Variants in RAD18 observed in about 807,000 individuals in gnomAD.
RAD18 encodes E3 ubiquitin-protein ligase RAD18.
A neutral mutation model predicts 60.4 loss-of-function variants in RAD18; 47 were observed. The observed-to-expected ratio is 0.78, with a 90% CI of 0.62 to 0.99. The LOEUF (loss-of-function observed/expected upper bound fraction) is 0.99, where lower values mean the gene tolerates loss of function less well. Ranked by LOEUF, RAD18 falls within the 50% of genes least tolerant of loss-of-function variation. The pLI is 0.00. For missense variants in RAD18, 640 were observed against 593.3 expected, an observed-to-expected ratio of 1.08 and a Z score of -0.82; for synonymous variants, 225 against 195.5, an observed-to-expected ratio of 1.15 and a Z score of -1.26.
chr3:8,958,712 T>C (rs1413842077), intron 2 of RAD18, among the ~76,000 whole-genome samples: 1 of 152,120 alleles, frequency 6.6e-6, no homozygotes, highest in Admixed American at 6.5e-5. Context: ...CATAAAAATA[T>C]CAAAGAGGAA....
intron 7 of RAD18, among the ~76,000 whole-genome samples, chr3:8,932,088 A>T (rs1328991580): frequency 6.6e-6 from 1 of 152,222 alleles, no homozygotes; most frequent in Non-Finnish European, 1.5e-5. Context: ...TGATCTTAGG[A>T]TAAGCAAATA....
intron 12 of RAD18, among the ~76,000 whole-genome samples, chr3:8,887,198 G>T (rs1939582855): frequency 6.6e-6 from 1 of 152,190 alleles, no homozygotes; most frequent in African/African-American, 2.4e-5. Flanking sequence ...TCTAGGGGTG[G>T]AGTTCACTAA....
chr3:8,912,823 G>GT (rs1940125975), intron 8 of RAD18, among the ~76,000 whole-genome samples: 1 of 152,076 alleles, frequency 6.6e-6, no homozygotes, highest in Non-Finnish European at 1.5e-5. Flanking sequence ...ACAAAACACA[G>GT]TAAGTTAAGC....
chr3:8,929,882 A>C (rs910691982), intron 7 of RAD18, among the ~76,000 whole-genome samples: 4 of 152,160 alleles, frequency 2.6e-5, no homozygotes, highest in Admixed American at 1.3e-4. Context: ...ACCTCAGGTG[A>C]TCCACCTGCC....
At chr3:8,962,497 AC>A (rs1941107308) in intron 1 of RAD18, among the ~76,000 whole-genome samples, 1 of 152,242 alleles carries the variant, frequency 6.6e-6, no homozygotes. Flanking sequence ...AGTCAGTGGG[AC>A]AGGTATTATA....
chr3:8,933,451 G>A (rs1360871197), intron 7 of RAD18, among the ~76,000 whole-genome samples: 1 of 152,010 alleles, frequency 6.6e-6, no homozygotes, highest in East Asian at 1.9e-4. Context: ...TTCAAAGGAT[G>A]TATTACATGT....
intron 7 of RAD18, among the ~76,000 whole-genome samples, chr3:8,920,208 G>A (rs562069921): frequency 1.3e-5 from 2 of 151,446 alleles, no homozygotes; most frequent in Non-Finnish European, 2.9e-5. Context: ...GAACCTGGGA[G>A]GCGGAGCTTG....
chr3:8,922,104 G>A (rs2125059255), intron 7 of RAD18, among the ~76,000 whole-genome samples: 1 of 152,268 alleles, frequency 6.6e-6, no homozygotes, highest in South Asian at 2.1e-4. Flanking sequence ...GACAGTGGGA[G>A]CGGTGCACCG....
chr3:8,947,333 A>T, intron 3 of RAD18, 43 bp from the exon 4 acceptor site: 1 of 1,449,160 alleles, frequency 6.9e-7, no homozygotes, highest in Non-Finnish European at 9.7e-7. Context: ...CAAAAACAAT[A>T]ATCAACTTGT....
intron 7 of RAD18, among the ~76,000 whole-genome samples, chr3:8,928,142 A>C (rs1940479769): frequency 6.6e-6 from 1 of 152,106 alleles, no homozygotes; most frequent in South Asian, 2.1e-4. Context: ...GAGATAAGTT[A>C]AAAATGCATA....
intron 7 of RAD18, among the ~76,000 whole-genome samples, chr3:8,915,821 G>A (rs578065522): frequency 6.6e-6 from 1 of 152,168 alleles, no homozygotes; most frequent in Non-Finnish European, 1.5e-5. Flanking sequence ...CTGACCTCGT[G>A]ATCCACCCGC....
chr3:8,926,025 C>T (rs952521340), intron 7 of RAD18, among the ~76,000 whole-genome samples: 29 of 151,398 alleles, frequency 1.9e-4, no homozygotes, highest in African/African-American at 6.5e-4. Flanking sequence ...CCTCTCTCAC[C>T]ACTCCTATTC....
At chr3:8,899,116 C>T (rs1343998682) in intron 10 of RAD18, 69 bp from the exon 11 acceptor site, 10 of 1,225,782 alleles carry the variant, frequency 8.2e-6, no homozygotes, top group Non-Finnish European at 1.1e-5. Context: ...TTCTGCAACA[C>T]TTAATACTGC....
rs45598638 is a variant in RAD18, at chr3:8,912,227, T to C, written c.1027+85A>G. 8.3e-5 allele frequency: 88 copies of C among 1,061,030 alleles called. No individual in the cohort carries two copies. In the African/African-American group the frequency reaches 9.2e-4, roughly 11 times the overall value. The allele number at this position is 1,061,030 out of a possible 1,614,324, so 65.7% of individuals were successfully genotyped here. ...AACAAAAGTTTGAATTGAACCTTAA[T>C]ATAAAACATTATTCTGAAAAATTAC... is the stretch of plus-strand genomic sequence containing the variant. On this transcript the variant is annotated intron_variant, in intron 9 of 12. Transcript: ENST00000264926.
intron 2 of RAD18, among the ~76,000 whole-genome samples, chr3:8,957,482 T>C (rs1941033289): frequency 6.6e-6 from 1 of 152,242 alleles, no homozygotes; most frequent in African/African-American, 2.4e-5. Flanking sequence ...TATATGAGTC[T>C]AGCATATAAG....
At chr3:8,929,449 T>TA (rs1940509738) in intron 7 of RAD18, among the ~76,000 whole-genome samples, 2 of 152,048 alleles carry the variant, frequency 1.3e-5, no homozygotes, top group African/African-American at 2.4e-5. Flanking sequence ...AAATGTTACT[T>TA]AAAAAAACAA....
chr3:8,949,714 A>G (rs901148008), intron 2 of RAD18, among the ~76,000 whole-genome samples: 1 of 152,178 alleles, frequency 6.6e-6, no homozygotes, highest in African/African-American at 2.4e-5. Context: ...TGGAACAGAA[A>G]CCCACAAACA....
intron 7 of RAD18, among the ~76,000 whole-genome samples, chr3:8,921,192 T>C (rs889470113): frequency 1.3e-5 from 2 of 152,062 alleles, no homozygotes; most frequent in Non-Finnish European, 2.9e-5. Context: ...ATGCTAACAA[T>C]AGGTGGATCT....
chr3:8,941,721 T>C lies in RAD18; in HGVS notation c.350A>G (p.Tyr117Cys), dbSNP rs139321972. The C allele has an allele frequency of 2.0e-4, 317 of 1,614,182 alleles. 1 individual carries two copies. The East Asian group carries it at 7.0e-3, about 35-fold the overall frequency. The stretch of plus-strand genomic sequence containing the variant: ...AGACTGTCTGGAGGCTACAGGAGTA[T>C]ATACTTTGACAGCAAGATTCTTTGA... ...SSSKNLAVKV[Y>C]TPVASRQSLK... is the part of the protein sequence containing the mutation. Residue 117 changes from tyrosine to cysteine, a missense_variant, in exon 5 of 13, where the codon TAT becomes TGT. Transcript: ENST00000264926.
Sources: allele counts gnomAD v4.1 joint callset (sites outside exome capture counted in the v4.1 genomes callset), GRCh38; gene constraint gnomAD v4.1.1; transcripts MANE v1.5; gene names NCBI Gene and HGNC (gene_info 2026-07-23, HGNC 2026-07-21).